Variants in GRM7 observed in about 807,000 individuals in gnomAD.
GRM7 encodes metabotropic glutamate receptor 7.
In GRM7, 35 loss-of-function variants were observed where a neutral mutation model predicts 84.5. The ratio of observed to expected loss-of-function variants is 0.41; its 90% CI spans 0.32 to 0.55. GRM7 has a LOEUF of 0.55. Among genes scored for constraint, GRM7 ranks in the 20% least tolerant of loss-of-function variants. GRM7 has a pLI of 0.19. For missense variants in GRM7, 1,003 were observed against 1,194.6 expected, an observed-to-expected ratio of 0.84 and a Z score of 2.36; for synonymous variants, 487 against 455.1, an observed-to-expected ratio of 1.07 and a Z score of -0.89.
chr3:7,685,981 T>C (rs1262326476), intron 9 of GRM7, among the ~76,000 whole-genome samples: 1 of 152,148 alleles, frequency 6.6e-6, no homozygotes, highest in East Asian at 1.9e-4. Flanking sequence ...ATGTTACTTG[T>C]TTCATCCTCT....
intron 2 of GRM7, among the ~76,000 whole-genome samples, chr3:7,230,292 T>C (rs1218515605): frequency 6.6e-6 from 1 of 152,152 alleles, no homozygotes; most frequent in Non-Finnish European, 1.5e-5. Flanking sequence ...AGTTAAAAAC[T>C]CTAATATAGT....
chr3:6,892,096 G>A (rs1187335358), intron 1 of GRM7, among the ~76,000 whole-genome samples: 1 of 152,002 alleles, frequency 6.6e-6, no homozygotes, highest in Non-Finnish European at 1.5e-5. Flanking sequence ...GCTCCTTTAA[G>A]CACTTCTCTG....
chr3:7,289,802 G>T (rs962907787), intron 2 of GRM7, among the ~76,000 whole-genome samples: 1 of 147,208 alleles, frequency 6.8e-6, no homozygotes, highest in Non-Finnish European at 1.5e-5. Flanking sequence ...GGTGGGAATT[G>T]AACAATGAGA....
At chr3:7,405,359 T>A (rs1488140456) in intron 4 of GRM7, among the ~76,000 whole-genome samples, 1 of 152,182 alleles carries the variant, frequency 6.6e-6, no homozygotes. Flanking sequence ...TTTTTATAAT[T>A]GACACATAAT....
At chr3:7,389,950 C>T (rs1301256072) in intron 4 of GRM7, among the ~76,000 whole-genome samples, 1 of 152,024 alleles carries the variant, frequency 6.6e-6, no homozygotes, top group African/African-American at 2.4e-5. Context: ...ATTGCTTGTG[C>T]AGTTGGCTTC....
chr3:7,659,812 T>C (rs1699357160), intron 8 of GRM7, among the ~76,000 whole-genome samples: 1 of 152,202 alleles, frequency 6.6e-6, no homozygotes, highest in African/African-American at 2.4e-5. Flanking sequence ...TGTTTTCCTA[T>C]TCTAGTCTCT....
intron 4 of GRM7, among the ~76,000 whole-genome samples, chr3:7,327,089 A>C (rs571835596): frequency 1.3e-5 from 2 of 152,348 alleles, no homozygotes; most frequent in African/African-American, 4.8e-5. Context: ...GAAGATGTTA[A>C]TTGGTTAATT....
At chr3:6,962,126 T>C (rs895264787) in intron 1 of GRM7, among the ~76,000 whole-genome samples, 11 of 152,224 alleles carry the variant, frequency 7.2e-5, no homozygotes, top group African/African-American at 2.2e-4. Flanking sequence ...ATACTTTTGA[T>C]ACCATATGAG....
intron 1 of GRM7, among the ~76,000 whole-genome samples, chr3:7,035,150 G>T (rs1696340237): frequency 6.6e-6 from 1 of 152,146 alleles, no homozygotes; most frequent in Non-Finnish European, 1.5e-5. Context: ...TGGTAGGAAA[G>T]GGAGGGCTGC....
At chr3:7,130,651 G>C (rs921409552) in intron 1 of GRM7, among the ~76,000 whole-genome samples, 1 of 151,856 alleles carries the variant, frequency 6.6e-6, no homozygotes, top group African/African-American at 2.4e-5. Flanking sequence ...TACAGCTAGT[G>C]GTGTTGGCAC....
chr3:7,627,336 T>A (rs1475554555), intron 8 of GRM7, among the ~76,000 whole-genome samples: 1 of 152,200 alleles, frequency 6.6e-6, no homozygotes, highest in South Asian at 2.1e-4. Context: ...AAATTAGCAC[T>A]CTATCTTTCT....
chr3:7,347,676 G>A (rs1692951303), intron 4 of GRM7, among the ~76,000 whole-genome samples: 1 of 152,014 alleles, frequency 6.6e-6, no homozygotes. Context: ...CAAATGTAAG[G>A]CATACATAAA....
intron 5 of GRM7, among the ~76,000 whole-genome samples, chr3:7,432,918 G>T (rs1040856589): frequency 6.6e-6 from 1 of 152,126 alleles, no homozygotes; most frequent in East Asian, 1.9e-4. Flanking sequence ...CTGGATCCCA[G>T]AAGTGAATAA....
intron 4 of GRM7, among the ~76,000 whole-genome samples, chr3:7,403,602 G>C (rs1259799015): frequency 7.2e-6 from 1 of 139,674 alleles, no homozygotes; most frequent in African/African-American, 2.6e-5. Context: ...GTGAACATGT[G>C]ATATTATCTG....
chr3:6,932,015 T>C (rs994563367), intron 1 of GRM7, among the ~76,000 whole-genome samples: 5 of 152,196 alleles, frequency 3.3e-5, no homozygotes, highest in African/African-American at 9.6e-5. Flanking sequence ...GGTGTAGAGA[T>C]AGCATCACAG....
At chr3:7,360,685 C>G (rs1437885624) in intron 4 of GRM7, among the ~76,000 whole-genome samples, 6 of 152,080 alleles carry the variant, frequency 3.9e-5, no homozygotes, top group Non-Finnish European at 8.8e-5. Context: ...GTATTTCAGG[C>G]TGGTTTTATC....
intron 1 of GRM7, among the ~76,000 whole-genome samples, chr3:6,946,492 G>A (rs1270196534): frequency 4.6e-5 from 7 of 152,170 alleles, no homozygotes; most frequent in East Asian, 1.9e-4. Context: ...GTCAGGTAGC[G>A]TGATGCTTCC....
chr3:7,001,299 G>GTGA (rs1370170927), intron 1 of GRM7, among the ~76,000 whole-genome samples: 5 of 152,092 alleles, frequency 3.3e-5, no homozygotes, highest in Admixed American at 6.5e-5. Context: ...ACAGTGAGCT[G>GTGA]TGATTGTGCA....
intron 7 of GRM7, among the ~76,000 whole-genome samples, chr3:7,502,863 C>A (rs940235817): frequency 2.0e-5 from 3 of 152,128 alleles, no homozygotes; most frequent in African/African-American, 7.2e-5. Context: ...TTAATTCTAA[C>A]GCAACCCTGA....
Sources: gnomAD v4.1 joint callset for allele counts (sites outside exome capture counted in the v4.1 genomes callset) on GRCh38, gnomAD v4.1.1 for gene constraint, MANE v1.5 for transcripts, NCBI Gene and HGNC (gene_info 2026-07-23, HGNC 2026-07-21) for gene names.